AKT3: variants seen among roughly 807,000 people sequenced by gnomAD.
The protein encoded by AKT3 is AKT serine/threonine kinase 3, also known as RAC-gamma serine/threonine-protein kinase.
Under a neutral mutation model 65.3 loss-of-function variants are expected in AKT3, and 15 were observed. The observed-to-expected ratio is 0.23, with a 90% CI of 0.15 to 0.35. The LOEUF is 0.35. AKT3 is among the 10% of genes least tolerant of loss of function. The pLI is 1.00. For synonymous variants in AKT3, 206 were observed against 183.8 expected, an observed-to-expected ratio of 1.12 and a Z score of -0.98; for missense variants, 243 against 576.5, an observed-to-expected ratio of 0.42 and a Z score of 5.92.
intron 3 of AKT3, among the ~76,000 whole-genome samples, chr1:243,672,082 T>TGAGCGG (rs1683190889): frequency 6.6e-6 from 1 of 152,208 alleles, no homozygotes; most frequent in South Asian, 2.1e-4. Context: ...TAACAGTGTT[T>TGAGCGG]GAGCGGGAGA....
At chr1:243,661,714 T>G (rs1171006171) in intron 4 of AKT3, among the ~76,000 whole-genome samples, 278 of 119,588 alleles carry the variant, frequency 2.3e-3, no homozygotes, top group Admixed American at 4.7e-3. Context: ...TGGGATCTAA[T>G]TAAACTAAAG....
intron 2 of AKT3, among the ~76,000 whole-genome samples, chr1:243,702,320 G>C (rs1685520803): frequency 6.6e-6 from 1 of 152,162 alleles, no homozygotes; most frequent in African/African-American, 2.4e-5. Flanking sequence ...GCTCCAGGCA[G>C]AACAATGTAA....
At chr1:243,595,530 AAC>A (rs972676759) in intron 8 of AKT3, among the ~76,000 whole-genome samples, 5 of 152,240 alleles carry the variant, frequency 3.3e-5, no homozygotes, top group Admixed American at 6.5e-5. Context: ...ACTCTTTTAT[AAC>A]AGTTTAAAAT....
At chr1:243,763,584 G>A (rs141267035) in intron 2 of AKT3, among the ~76,000 whole-genome samples, 2 of 152,144 alleles carry the variant, frequency 1.3e-5, no homozygotes, top group Non-Finnish European at 2.9e-5. Context: ...AGGAGTCACA[G>A]AGCAGATGTA....
intron 12 of AKT3, among the ~76,000 whole-genome samples, chr1:243,536,145 T>C (rs1161414617): frequency 1.3e-5 from 2 of 152,232 alleles, no homozygotes; most frequent in Non-Finnish European, 2.9e-5. Flanking sequence ...GAAGTAAAGT[T>C]TGCAAATATT....
At chr1:243,786,042 C>G (rs1691241639) in intron 2 of AKT3, among the ~76,000 whole-genome samples, 1 of 152,222 alleles carries the variant, frequency 6.6e-6, no homozygotes, top group South Asian at 2.1e-4. Flanking sequence ...CCAGATCATT[C>G]TGAGCCTTAA....
chr1:243,595,657 G>A (rs576330686), intron 8 of AKT3, among the ~76,000 whole-genome samples: 4 of 151,602 alleles, frequency 2.6e-5, no homozygotes, highest in South Asian at 4.2e-4. Flanking sequence ...CAGCATATAC[G>A]TTAGCCTAAA....
At chr1:243,829,126 A>T (rs1694348676) in intron 2 of AKT3, among the ~76,000 whole-genome samples, 1 of 152,170 alleles carries the variant, frequency 6.6e-6, no homozygotes, top group Non-Finnish European at 1.5e-5. Context: ...AATACTACCT[A>T]TAATTTGGCA....
At chr1:243,644,262 TG>T (rs1459553863) in intron 5 of AKT3, among the ~76,000 whole-genome samples, 1 of 152,208 alleles carries the variant, frequency 6.6e-6, no homozygotes, top group Non-Finnish European at 1.5e-5. Context: ...CAAAATATTA[TG>T]AAAAACTGTT....
chr1:243,572,652 G>A (rs1674647328), intron 9 of AKT3, among the ~76,000 whole-genome samples: 2 of 152,082 alleles, frequency 1.3e-5, no homozygotes, highest in Non-Finnish European at 2.9e-5. Flanking sequence ...TGTAACTTGT[G>A]AATTTATTTG....
chr1:243,743,236 A>T (rs1437319189), intron 2 of AKT3, among the ~76,000 whole-genome samples: 2 of 152,224 alleles, frequency 1.3e-5, no homozygotes, highest in East Asian at 3.8e-4. Flanking sequence ...AATTAGGCAG[A>T]TCAACTTTTA....
chr1:243,559,922 T>A (rs1673658888), intron 10 of AKT3, among the ~76,000 whole-genome samples: 1 of 152,088 alleles, frequency 6.6e-6, no homozygotes. Flanking sequence ...CGAGACACCA[T>A]CTGAGGTAAA....
chr1:243,661,378 G>T (rs1329185257), intron 4 of AKT3, among the ~76,000 whole-genome samples: 2 of 152,152 alleles, frequency 1.3e-5, no homozygotes, highest in African/African-American at 4.8e-5. Context: ...CAATGGAACA[G>T]AACAGGGCCC....
chr1:243,847,155 T>C (rs1695556109), intron 1 of AKT3, among the ~76,000 whole-genome samples: 1 of 152,208 alleles, frequency 6.6e-6, no homozygotes, highest in Non-Finnish European at 1.5e-5. Flanking sequence ...CAAAAATTAA[T>C]TGTATTATTA....
intron 11 of AKT3, among the ~76,000 whole-genome samples, chr1:243,546,115 T>C (rs147925247): frequency 6.6e-5 from 10 of 152,244 alleles, no homozygotes; most frequent in Admixed American, 6.5e-4. Context: ...TCAATAAGTC[T>C]CATGAGATCT....
intron 3 of AKT3, among the ~76,000 whole-genome samples, chr1:243,666,557 C>T (rs937429680): frequency 5.9e-5 from 9 of 152,134 alleles, no homozygotes; most frequent in Admixed American, 5.2e-4. Flanking sequence ...AAATTCATTC[C>T]TCCTCCTGGC....
At chr1:243,766,588 C>A (rs942558811) in intron 2 of AKT3, among the ~76,000 whole-genome samples, 2 of 152,058 alleles carry the variant, frequency 1.3e-5, no homozygotes, top group African/African-American at 2.4e-5. Context: ...ACATAAACAA[C>A]CCCCAATCTC....
At chr1:243,527,799 G>A (rs574862062) in intron 12 of AKT3, among the ~76,000 whole-genome samples, 41 of 149,322 alleles carry the variant, frequency 2.7e-4, no homozygotes, top group East Asian at 1.7e-3. Context: ...CCAGGAATTC[G>A]AGGCTGCAGC....
intron 8 of AKT3, among the ~76,000 whole-genome samples, chr1:243,582,637 A>G (rs563814341): frequency 6.6e-6 from 1 of 152,128 alleles, no homozygotes; most frequent in Non-Finnish European, 1.5e-5. Flanking sequence ...AGAAAAATAA[A>G]TGCTACCACA....
Sources: allele counts gnomAD v4.1 joint callset (sites outside exome capture counted in the v4.1 genomes callset), GRCh38; gene constraint gnomAD v4.1.1; transcripts MANE v1.5; gene names NCBI Gene and HGNC (gene_info 2026-07-23, HGNC 2026-07-21).